The following MKLN1 variants were observed in gnomAD, a reference collection of about 807,000 sequenced individuals.
The protein encoded by MKLN1 is muskelin.
MKLN1 carries 18 observed loss-of-function variants against 99.0 expected under a neutral mutation model. That is an observed-to-expected ratio of 0.18 (90% CI 0.13 to 0.27). The LOEUF (loss-of-function observed/expected upper bound fraction) is 0.27. MKLN1 is among the 10% of genes least tolerant of loss of function. The pLI is 1.00. For synonymous variants in MKLN1, 288 were observed against 293.2 expected, an observed-to-expected ratio of 0.98 and a Z score of 0.18; for missense variants, 621 against 875.9, an observed-to-expected ratio of 0.71 and a Z score of 3.67.
At chr7:131,371,448 C>G (rs1039772718) in intron 1 of MKLN1, among the ~76,000 whole-genome samples, 1 of 152,060 alleles carries the variant, frequency 6.6e-6, no homozygotes, top group Non-Finnish European at 1.5e-5. Flanking sequence ...CTTAATGTTG[C>G]GGATTTAAAT....
intron 2 of MKLN1, among the ~76,000 whole-genome samples, chr7:131,187,678 C>T (rs1373670113): frequency 6.6e-6 from 1 of 152,156 alleles, no homozygotes; most frequent in Non-Finnish European, 1.5e-5. Context: ...CCTGTAACCT[C>T]AGCACTTTGG....
At chr7:131,153,191 A>AT (rs1321450407) in intron 2 of MKLN1, among the ~76,000 whole-genome samples, 2 of 151,918 alleles carry the variant, frequency 1.3e-5, no homozygotes, top group Non-Finnish European at 2.9e-5. Flanking sequence ...CCTTAAGTTG[A>AT]TTTTTTGGCA....
intron 1 of MKLN1, among the ~76,000 whole-genome samples, chr7:131,128,123 G>A (rs181731083): frequency 2.5e-4 from 38 of 151,308 alleles, no homozygotes; most frequent in African/African-American, 8.7e-4. Flanking sequence ...ATATGAGCAG[G>A]CCCCTAGACA....
intron 3 of MKLN1, among the ~76,000 whole-genome samples, chr7:131,227,326 CTTCTT>C (rs374067358): frequency 1.0e-3 from 156 of 152,150 alleles, no homozygotes; most frequent in South Asian, 4.2e-3. Flanking sequence ...GACTTCCTTT[CTTCTT>C]TTCTTTTCTT....
At chr7:131,155,185 C>G (rs959552598) in intron 2 of MKLN1, among the ~76,000 whole-genome samples, 5 of 152,086 alleles carry the variant, frequency 3.3e-5, no homozygotes, top group Non-Finnish European at 5.9e-5. Context: ...CTTATTTGCC[C>G]TTTATATCTC....
intron 3 of MKLN1, among the ~76,000 whole-genome samples, chr7:131,239,264 T>C (rs1029897344): frequency 7.9e-5 from 12 of 152,202 alleles, no homozygotes; most frequent in Non-Finnish European, 1.5e-5. Context: ...CATTGTGGAA[T>C]GGCTAAATCA....
chr7:131,494,897 C>G lies in MKLN1; in HGVS notation c.*7169C>G, dbSNP rs951740241. 1 of 152,066 alleles carries G rather than the reference C, an allele frequency of 6.6e-6. No individual in the cohort carries two copies. Among genetic ancestry groups the G allele is most frequent in the Non-Finnish European group, 1.5e-5 (1 of 68,000 alleles). 9.4% of individuals were successfully genotyped at this position (152,066 alleles called of 1,614,324 possible). A position where few individuals can be genotyped will look rare whatever the true frequency, so the allele number is the denominator to read the frequency against. On this transcript the variant is annotated 3_prime_UTR_variant, in exon 18 of 18. Coordinates refer to ENST00000352689, the MANE Select transcript of MKLN1 (RefSeq NM_013255.5). ...TTTCCTGTGAACAGATTCCTTTATG[C>G]GTACATACTTTATAAATATACATAC...
At chr7:131,431,797 A>G (rs1028263665) in intron 9 of MKLN1, among the ~76,000 whole-genome samples, 2 of 152,218 alleles carry the variant, frequency 1.3e-5, no homozygotes, top group Non-Finnish European at 2.9e-5. Flanking sequence ...TTGCTACTCA[A>G]TTACTTTTCC....
intron 2 of MKLN1, among the ~76,000 whole-genome samples, chr7:131,385,266 T>C (rs143521839): frequency 2.0e-5 from 3 of 152,332 alleles, no homozygotes; most frequent in African/African-American, 7.2e-5. Flanking sequence ...TCGACGGACA[T>C]TTGGGTTGTT....
intron 3 of MKLN1, among the ~76,000 whole-genome samples, chr7:131,210,249 G>C (rs1349017256): frequency 6.6e-6 from 1 of 152,110 alleles, no homozygotes; most frequent in Admixed American, 6.5e-5. Flanking sequence ...ATGAAGCATT[G>C]GCTGGGCATG....
intron 16 of MKLN1, among the ~76,000 whole-genome samples, chr7:131,476,117 ATTC>A (rs974415239): frequency 1.3e-5 from 2 of 152,222 alleles, no homozygotes; most frequent in African/African-American, 4.8e-5. Context: ...CATAATAAAA[ATTC>A]TTAGCAAACT....
At chr7:131,340,845 T>C (rs994872510) in intron 1 of MKLN1, among the ~76,000 whole-genome samples, 2 of 152,232 alleles carry the variant, frequency 1.3e-5, no homozygotes, top group African/African-American at 4.8e-5. Flanking sequence ...CTGTATTTTT[T>C]TCAATGAGTT....
intron 2 of MKLN1, among the ~76,000 whole-genome samples, chr7:131,190,356 T>C (rs938895527): frequency 3.3e-5 from 5 of 151,898 alleles, no homozygotes; most frequent in African/African-American, 7.3e-5. Flanking sequence ...TGGCATTCCT[T>C]GATGTCTTAG....
chr7:131,144,259 C>T (rs986083855), intron 2 of MKLN1, among the ~76,000 whole-genome samples: 8 of 151,290 alleles, frequency 5.3e-5, no homozygotes, highest in South Asian at 2.1e-4. Flanking sequence ...GAGGCTGAGG[C>T]GGGCGGATCA....
intron 1 of MKLN1, among the ~76,000 whole-genome samples, chr7:131,338,389 C>G (rs1455391130): frequency 6.6e-6 from 1 of 152,204 alleles, no homozygotes; most frequent in Non-Finnish European, 1.5e-5. Context: ...CCTTTTTTGG[C>G]TTCTTAGCCC....
At chr7:131,427,577 G>C (rs1795394555) in intron 8 of MKLN1, among the ~76,000 whole-genome samples, 1 of 152,094 alleles carries the variant, frequency 6.6e-6, no homozygotes, top group Non-Finnish European at 1.5e-5. Flanking sequence ...TTTTGAGACA[G>C]AGTCTCACAC....
At chr7:131,339,202 C>T (rs913998834) in intron 1 of MKLN1, among the ~76,000 whole-genome samples, 4 of 152,148 alleles carry the variant, frequency 2.6e-5, no homozygotes, top group Admixed American at 6.5e-5. Flanking sequence ...TGGGAGTTGG[C>T]GCCCCTAGGC....
chr7:131,341,700 C>G (rs1439960893), intron 1 of MKLN1, among the ~76,000 whole-genome samples: 4 of 152,314 alleles, frequency 2.6e-5, no homozygotes, highest in African/African-American at 9.6e-5. Flanking sequence ...CATTTCAGAT[C>G]ATCAGGCATT....
At chr7:131,182,566 T>A (rs1796391380) in intron 2 of MKLN1, among the ~76,000 whole-genome samples, 1 of 152,264 alleles carries the variant, frequency 6.6e-6, no homozygotes, top group African/African-American at 2.4e-5. Flanking sequence ...TAACCATGTT[T>A]GAAAGATTTC....
Sources: gnomAD v4.1 joint callset for allele counts (sites outside exome capture counted in the v4.1 genomes callset) on GRCh38, gnomAD v4.1.1 for gene constraint, MANE v1.5 for transcripts, NCBI Gene and HGNC (gene_info 2026-07-23, HGNC 2026-07-21) for gene names.